The following DPP10 variants were observed in gnomAD, a reference collection of about 807,000 sequenced individuals.
DPP10 encodes inactive dipeptidyl peptidase 10.
In DPP10, 33 loss-of-function variants were observed where a neutral mutation model predicts 120.9. The ratio of observed to expected loss-of-function variants is 0.27; its 90% confidence interval spans 0.21 to 0.37. DPP10 has a LOEUF of 0.37. Ranked by LOEUF, DPP10 falls within the 10% of genes least tolerant of loss-of-function variation. The pLI, the probability that DPP10 is intolerant of heterozygous loss-of-function variation, is 1.00. For missense variants in DPP10, 816 were observed against 942.8 expected, an observed-to-expected ratio of 0.87 and a Z score of 1.76; for synonymous variants, 337 against 326.1, an observed-to-expected ratio of 1.03 and a Z score of -0.36.
chr2:114,641,744 A>C (rs1695723281), intron 1 of DPP10, among the ~76,000 whole-genome samples: 2 of 152,004 alleles, frequency 1.3e-5, no homozygotes, highest in South Asian at 2.1e-4. Flanking sequence ...TGCTCAATGA[A>C]GCAAATGATT....
chr2:115,480,107 G>A (rs945688918), intron 3 of DPP10, among the ~76,000 whole-genome samples: 3 of 151,940 alleles, frequency 2.0e-5, no homozygotes, highest in Non-Finnish European at 4.4e-5. Flanking sequence ...CATCCCCTGG[G>A]GCAGCTATTA....
chr2:114,999,949 T>C (rs1002248918), intron 1 of DPP10, among the ~76,000 whole-genome samples: 1 of 152,114 alleles, frequency 6.6e-6, no homozygotes, highest in African/African-American at 2.4e-5. Context: ...ATTCCACTTT[T>C]CCCTGAGGAA....
At chr2:115,766,955 C>T (rs2149807126) in intron 12 of DPP10, among the ~76,000 whole-genome samples, 1 of 152,288 alleles carries the variant, frequency 6.6e-6, no homozygotes, top group South Asian at 2.1e-4. Context: ...AGCTCCAACA[C>T]TGGGGATTTC....
At chr2:115,767,143 T>G (rs1680859069) in intron 12 of DPP10, among the ~76,000 whole-genome samples, 1 of 152,094 alleles carries the variant, frequency 6.6e-6, no homozygotes, top group African/African-American at 2.4e-5. Context: ...GATTTCGGAT[T>G]AGAGACCTGA....
intron 1 of DPP10, among the ~76,000 whole-genome samples, chr2:114,937,810 C>G (rs1696597217): frequency 6.6e-6 from 1 of 152,112 alleles, no homozygotes; most frequent in Admixed American, 6.6e-5. Context: ...GAGACCTCTG[C>G]CATATTTTCT....
At chr2:115,643,294 C>T (rs1018603637) in intron 5 of DPP10, among the ~76,000 whole-genome samples, 2 of 152,282 alleles carry the variant, frequency 1.3e-5, no homozygotes, top group Non-Finnish European at 2.9e-5. Flanking sequence ...TTGCTCAAGA[C>T]ACTCCACTGT....
intron 1 of DPP10, among the ~76,000 whole-genome samples, chr2:114,727,814 T>TA (rs1229020839): frequency 1.3e-5 from 2 of 152,200 alleles, no homozygotes; most frequent in Non-Finnish European, 2.9e-5. Flanking sequence ...TTTGAGGTGA[T>TA]AACGCTAATA....
intron 5 of DPP10, among the ~76,000 whole-genome samples, chr2:115,553,413 CAT>C (rs1558839261): frequency 6.6e-6 from 1 of 151,998 alleles, no homozygotes; most frequent in African/African-American, 2.4e-5. Context: ...AGTATATTAA[CAT>C]ATATTAATAA....
At chr2:115,059,036 G>A (rs1451566986) in intron 1 of DPP10, among the ~76,000 whole-genome samples, 1 of 152,130 alleles carries the variant, frequency 6.6e-6, no homozygotes, top group Non-Finnish European at 1.5e-5. Flanking sequence ...GAATCCATTC[G>A]TGTCTATCTT....
chr2:114,577,006 G>A (rs1260148767), intron 1 of DPP10, among the ~76,000 whole-genome samples: 1 of 152,092 alleles, frequency 6.6e-6, no homozygotes, highest in Non-Finnish European at 1.5e-5. Context: ...AAATTAAGAA[G>A]AGCAGGCAAA....
At chr2:115,156,493 A>G (rs2051921770) in intron 1 of DPP10, among the ~76,000 whole-genome samples, 1 of 152,176 alleles carries the variant, frequency 6.6e-6, no homozygotes, top group Admixed American at 6.5e-5. Context: ...AAAGATGAAA[A>G]TCTTTCCTTC....
At chr2:115,835,082 G>T (rs1689326954) in intron 21 of DPP10, among the ~76,000 whole-genome samples, 2 of 151,594 alleles carry the variant, frequency 1.3e-5, no homozygotes, top group South Asian at 4.2e-4. Context: ...CTTGAAGTGA[G>T]CCGAGATCGC....
At chr2:115,840,311 G>GTTGT (rs1689961087) in intron 24 of DPP10, among the ~76,000 whole-genome samples, 2 of 33,240 alleles carry the variant, frequency 6.0e-5, no homozygotes, top group African/African-American at 1.8e-4. Context: ...CAGATATAAG[G>GTTGT]TTTTTTGGTT....
At chr2:114,849,014 A>T (rs183435246) in intron 1 of DPP10, among the ~76,000 whole-genome samples, 2 of 152,298 alleles carry the variant, frequency 1.3e-5, no homozygotes, top group East Asian at 3.9e-4. Context: ...TTATAAGGGC[A>T]CTAATCCCAT....
chr2:114,753,385 T>C (rs1460988746), intron 1 of DPP10, among the ~76,000 whole-genome samples: 1 of 152,156 alleles, frequency 6.6e-6, no homozygotes, highest in East Asian at 1.9e-4. Context: ...ATTTAGCCCG[T>C]ATGAGCCTTA....
Position 115,429,369 on chromosome 2 carries a change from C to G in DPP10, c.272-70141C>G, listed in dbSNP as rs879647219. On this transcript the variant is annotated intron_variant, in intron 3 of 25. Coordinates refer to ENST00000410059, the MANE Select transcript of DPP10 (RefSeq NM_020868.6). The stretch of plus-strand genomic sequence containing the variant: ...ACAAGGCTATGTAAAATTCAACAAG[C>G]TAGCATAAATAAAATGTTTGGAAAA... 3.3e-5 allele frequency among the ~76,000 whole-genome samples: 5 copies of G among 152,102 alleles called. No homozygotes were observed. In the East Asian group the frequency reaches 9.7e-4, roughly 29 times the overall value.
At chr2:115,379,411 T>G (rs1301334672) in intron 3 of DPP10, among the ~76,000 whole-genome samples, 1 of 152,172 alleles carries the variant, frequency 6.6e-6, no homozygotes, top group Non-Finnish European at 1.5e-5. Flanking sequence ...CCCTTTATCA[T>G]TTTTTATTGC....
chr2:115,834,155 A>G (rs1012191489), intron 21 of DPP10, among the ~76,000 whole-genome samples: 4 of 152,218 alleles, frequency 2.6e-5, no homozygotes, highest in Admixed American at 2.6e-4. Context: ...GTACCAGAAC[A>G]ATATATGCTA....
chr2:115,758,572 A>AG (rs1679716397), intron 11 of DPP10, among the ~76,000 whole-genome samples: 1 of 151,896 alleles, frequency 6.6e-6, no homozygotes, highest in Admixed American at 6.6e-5. Context: ...GTCCCTTCTG[A>AG]TTTTTTTTGT....
Sources: allele counts gnomAD v4.1 joint callset (sites outside exome capture counted in the v4.1 genomes callset), GRCh38; gene constraint gnomAD v4.1.1; transcripts MANE v1.5; gene names NCBI Gene and HGNC (gene_info 2026-07-23, HGNC 2026-07-21).